Variants in NAALADL2 observed in about 807,000 individuals in gnomAD.
The protein encoded by NAALADL2 is N-acetylated alpha-linked acidic dipeptidase like 2.
Under a neutral mutation model 87.2 loss-of-function variants are expected in NAALADL2, and 76 were observed. That is an observed-to-expected ratio of 0.87 (90% confidence interval 0.72 to 1.05). The LOEUF is 1.05. NAALADL2 is among the 50% of genes least tolerant of loss of function. The probability of loss-of-function intolerance (pLI) is 0.00; values close to 1 mark genes in which losing one functional copy is unlikely to be tolerated. For missense variants in NAALADL2, 1,089 were observed against 945.8 expected (o/e 1.15, Z -1.99); for synonymous variants, 354 against 331.0 (o/e 1.07, Z -0.75).
intron 3 of NAALADL2, among the ~76,000 whole-genome samples, chr3:174,762,129 A>G (rs993968824): frequency 3.3e-5 from 5 of 151,330 alleles, no homozygotes; most frequent in Admixed American, 1.3e-4. Flanking sequence ...GAAACAATGT[A>G]TCTGGGGAAG....
chr3:174,780,421 T>C lies in NAALADL2; in HGVS notation c.-9+42675T>C, dbSNP rs186699582. Among the ~76,000 whole-genome samples, 33 of 152,310 alleles carry C rather than the reference T, an allele frequency of 2.2e-4. No homozygotes were observed. In the East Asian group the frequency reaches 5.8e-3, roughly 27 times the overall value. On this transcript the variant is annotated intron_variant, in intron 3 of 3. Coordinates refer to the NAALADL2 transcript ENST00000434257. ...ATTTTCTAAATACACAATCATGTCA[T>C]CTGCAAACAGAGACAATTTGACCTC...
chr3:175,183,110 A>G (rs1400307097), intron 2 of NAALADL2, among the ~76,000 whole-genome samples: 1 of 151,960 alleles, frequency 6.6e-6, no homozygotes, highest in Admixed American at 6.6e-5. Flanking sequence ...GATTGTATTG[A>G]ATCTGTGGAT....
chr3:174,835,219 T>C (rs1723189440), intron 3 of NAALADL2, among the ~76,000 whole-genome samples: 1 of 152,054 alleles, frequency 6.6e-6, no homozygotes, highest in African/African-American at 2.4e-5. Flanking sequence ...GATATCCACA[T>C]GGAAAGAAAT....
intron 5 of NAALADL2, among the ~76,000 whole-genome samples, chr3:175,398,354 T>TTG (rs1770099704): frequency 1.3e-5 from 2 of 148,572 alleles, no homozygotes; most frequent in African/African-American, 5.1e-5. Flanking sequence ...CTTTTTTTTT[T>TTG]TTTTTTTTTT....
intron 1 of NAALADL2, among the ~76,000 whole-genome samples, chr3:174,971,665 CTGTGTGTGTGTGTGTGTG>C (rs10662918): frequency 2.1e-5 from 3 of 144,814 alleles, no homozygotes; most frequent in African/African-American, 2.6e-5. Context: ...GTATGCTAGA[CTGTGTGTGTGTGTGTGTG>C]TGTGTGTGTG....
intron 5 of NAALADL2, among the ~76,000 whole-genome samples, chr3:175,403,000 A>T (rs1402763298): frequency 6.6e-6 from 1 of 152,084 alleles, no homozygotes. Flanking sequence ...GAATGAACTC[A>T]TGCTTCTGGA....
intron 5 of NAALADL2, among the ~76,000 whole-genome samples, chr3:175,333,470 A>G (rs773657036): frequency 3.3e-5 from 5 of 152,206 alleles, no homozygotes; most frequent in Non-Finnish European, 4.4e-5. Context: ...TATATGCACA[A>G]TGGAATACTA....
At chr3:175,409,855 A>G (rs559199791) in intron 5 of NAALADL2, among the ~76,000 whole-genome samples, 12 of 152,200 alleles carry the variant, frequency 7.9e-5, no homozygotes, top group Non-Finnish European at 1.8e-4. Context: ...TTATCAGGAA[A>G]GTTCAAAATA....
intron 11 of NAALADL2, among the ~76,000 whole-genome samples, chr3:175,650,587 T>G: frequency 6.6e-6 from 1 of 152,192 alleles, no homozygotes; most frequent in East Asian, 1.9e-4. Context: ...GTGAAATTCT[T>G]GCCAGTTTCC....
chr3:175,062,476 C>CTGTGTG lies in NAALADL2; in HGVS notation c.44-34270_44-34265dup, dbSNP rs71792051. 6.2e-3 allele frequency among the ~76,000 whole-genome samples: 815 copies of CTGTGTG among 131,536 alleles called. 7 individuals carry two copies. Among genetic ancestry groups the CTGTGTG allele is most frequent in the African/African-American group, 0.011 (410 of 36,114 alleles). 86.3% of individuals were successfully genotyped at this position (131,536 alleles called of 152,430 possible). A position where few individuals can be genotyped will look rare whatever the true frequency, so the allele number is the denominator to read the frequency against. On this transcript the variant is annotated intron_variant, in intron 1 of 13. Transcript: ENST00000454872. ...CCTGTTTGTAGGGCTGGAAGTTTGG[C>CTGTGTG]TGTGTGTGTGTGTGTGTGTGTGTGT... is the stretch of plus-strand genomic sequence containing the variant.
chr3:175,264,115 C>T (rs1349151327), intron 4 of NAALADL2, among the ~76,000 whole-genome samples: 2 of 151,834 alleles, frequency 1.3e-5, no homozygotes, highest in African/African-American at 4.8e-5. Flanking sequence ...TAGTGAAACA[C>T]AGCATTGCAG....
At chr3:175,028,052 A>C (rs1330078471) in intron 1 of NAALADL2, among the ~76,000 whole-genome samples, 1 of 152,118 alleles carries the variant, frequency 6.6e-6, no homozygotes, top group Non-Finnish European at 1.5e-5. Flanking sequence ...TTTGCAATCC[A>C]GATGTGAGCT....
At chr3:174,918,321 T>C (rs1734685711) in intron 1 of NAALADL2, among the ~76,000 whole-genome samples, 1 of 152,166 alleles carries the variant, frequency 6.6e-6, no homozygotes, top group African/African-American at 2.4e-5. Flanking sequence ...ATCAGTGGGA[T>C]ATTAGCCCCT....
At chr3:174,728,198 G>A (rs1348475337) in intron 2 of NAALADL2, among the ~76,000 whole-genome samples, 1 of 151,986 alleles carries the variant, frequency 6.6e-6, no homozygotes, top group Non-Finnish European at 1.5e-5. Context: ...ATGTTTTAAT[G>A]TGGACTTAAG....
intron 1 of NAALADL2, among the ~76,000 whole-genome samples, chr3:175,028,521 G>C (rs993958838): frequency 6.6e-5 from 10 of 151,910 alleles, no homozygotes; most frequent in African/African-American, 2.2e-4. Context: ...TCAAACCAAA[G>C]TTCTAGACAT....
intron 2 of NAALADL2, among the ~76,000 whole-genome samples, chr3:174,556,179 C>T (rs1001032353): frequency 1.2e-4 from 18 of 152,136 alleles, no homozygotes; most frequent in Admixed American, 1.0e-3. Context: ...TTTGTGTGAA[C>T]TGAGCCCTAA....
intron 2 of NAALADL2, among the ~76,000 whole-genome samples, chr3:174,712,538 C>T (rs962601025): frequency 6.6e-6 from 1 of 151,650 alleles, no homozygotes; most frequent in Admixed American, 6.6e-5. Flanking sequence ...CAGGCACCTG[C>T]CACCAGGCCC....
chr3:175,647,158 GT>G (rs1382879920), intron 11 of NAALADL2, among the ~76,000 whole-genome samples: 16 of 152,116 alleles, frequency 1.1e-4, no homozygotes, highest in Admixed American at 1.0e-3. Context: ...ATATGGCCAT[GT>G]CTAACTTCAA....
At chr3:174,897,108 A>G (rs1461386106) in intron 1 of NAALADL2, among the ~76,000 whole-genome samples, 2 of 152,182 alleles carry the variant, frequency 1.3e-5, no homozygotes, top group African/African-American at 4.8e-5. Flanking sequence ...TGGTCTGGGG[A>G]AAGACTTTTT....
Sources: gnomAD v4.1 joint callset for allele counts (sites outside exome capture counted in the v4.1 genomes callset) on GRCh38, gnomAD v4.1.1 for gene constraint, MANE v1.5 for transcripts, NCBI Gene and HGNC (gene_info 2026-07-23, HGNC 2026-07-21) for gene names.